GRID1: variants seen among roughly 807,000 people sequenced by gnomAD.
GRID1 encodes glutamate receptor ionotropic, delta-1.
A neutral mutation model predicts 98.0 loss-of-function variants in GRID1; 28 were observed. The ratio of observed to expected loss-of-function variants is 0.29; its 90% CI spans 0.21 to 0.39. The LOEUF (loss-of-function observed/expected upper bound fraction) is 0.39, where lower values mean the gene tolerates loss of function less well. GRID1 is among the 10% of genes least tolerant of loss of function. GRID1 has a pLI of 1.00. For synonymous variants in GRID1, 553 were observed against 538.5 expected, an observed-to-expected ratio of 1.03 and a Z score of -0.37; for missense variants, 1,111 against 1,340.5, an observed-to-expected ratio of 0.83 and a Z score of 2.67.
intron 4 of GRID1, among the ~76,000 whole-genome samples, chr10:86,124,122 G>T (rs1844717338): frequency 6.6e-6 from 1 of 152,204 alleles, no homozygotes; most frequent in Admixed American, 6.5e-5. Flanking sequence ...TAGGATTTCT[G>T]TGTCCCTGAG....
chr10:86,316,542 T>C (rs1847901486), intron 2 of GRID1, among the ~76,000 whole-genome samples: 1 of 152,200 alleles, frequency 6.6e-6, no homozygotes, highest in South Asian at 2.1e-4. Context: ...TGCCCCAGCC[T>C]AGGTGGAACA....
intron 8 of GRID1, among the ~76,000 whole-genome samples, chr10:85,826,359 C>G (rs1469167616): frequency 1.3e-5 from 2 of 151,874 alleles, no homozygotes; most frequent in Non-Finnish European, 2.9e-5. Flanking sequence ...AAAACAAAAC[C>G]CAAGCAAAAG....
chr10:86,087,430 T>C (rs1168639214), intron 4 of GRID1, among the ~76,000 whole-genome samples: 1 of 150,924 alleles, frequency 6.6e-6, no homozygotes, highest in Non-Finnish European at 1.5e-5. Flanking sequence ...TATGTGTGTG[T>C]ACAGACCTGT....
At chr10:85,813,883 T>A (rs1842694531) in intron 8 of GRID1, among the ~76,000 whole-genome samples, 1 of 151,954 alleles carries the variant, frequency 6.6e-6, no homozygotes. Context: ...GGGACCTCCA[T>A]GCTAGAAATT....
intron 4 of GRID1, among the ~76,000 whole-genome samples, chr10:86,105,595 C>T (rs942880351): frequency 1.3e-5 from 2 of 152,170 alleles, no homozygotes; most frequent in Non-Finnish European, 2.9e-5. Context: ...GCTGCCCCTC[C>T]CCAGCAGTGT....
At chr10:86,113,646 C>G (rs61856058) in intron 4 of GRID1, among the ~76,000 whole-genome samples, 4,163 of 152,290 alleles carry the variant, frequency 0.027, 64 homozygotes, top group Middle Eastern at 0.051. Flanking sequence ...CTGGTTTACC[C>G]CCTGCCAGAC....
chr10:85,724,267 G>T, intron 11 of GRID1, 85 bp downstream of exon 11: 1 of 1,045,846 alleles, frequency 9.6e-7, no homozygotes, highest in Non-Finnish European at 1.4e-6. Flanking sequence ...AATGACTTTG[G>T]TAAAATGCAC....
chr10:86,051,470 A>G (rs1043442610), intron 4 of GRID1, among the ~76,000 whole-genome samples: 2 of 152,050 alleles, frequency 1.3e-5, no homozygotes, highest in African/African-American at 4.8e-5. Context: ...AAAGGAACCA[A>G]TGATTTTACC....
chr10:86,138,703 G>A, intron 4 of GRID1, 116 bp downstream of exon 4: 2 of 756,816 alleles, frequency 2.6e-6, no homozygotes, highest in Non-Finnish European at 4.4e-6. Flanking sequence ...GCACCTACGG[G>A]TCTCCATGTC....
chr10:86,012,001 T>C (rs1842928147), intron 4 of GRID1, among the ~76,000 whole-genome samples: 1 of 151,946 alleles, frequency 6.6e-6, no homozygotes. Flanking sequence ...CTACTAAAAA[T>C]ACAAAAATTA....
chr10:85,685,141 G>A (rs1361333674), intron 12 of GRID1, among the ~76,000 whole-genome samples: 1 of 152,172 alleles, frequency 6.6e-6, no homozygotes, highest in Non-Finnish European at 1.5e-5. Flanking sequence ...ACAAGATCAT[G>A]ATTTTCGCAA....
intron 8 of GRID1, among the ~76,000 whole-genome samples, chr10:85,752,966 G>A (rs1323064252): frequency 1.3e-5 from 2 of 152,102 alleles, no homozygotes; most frequent in Admixed American, 1.3e-4. Flanking sequence ...GGGCATTCTG[G>A]CAAACCATCT....
At chr10:86,245,213 CA>C (rs1388658376) in intron 2 of GRID1, among the ~76,000 whole-genome samples, 2 of 152,314 alleles carry the variant, frequency 1.3e-5, no homozygotes, top group Non-Finnish European at 1.5e-5. Context: ...TGGATTAAGC[CA>C]GGGGAGGGAA....
At chr10:85,923,985 G>T (rs1841742025) in intron 4 of GRID1, among the ~76,000 whole-genome samples, 1 of 152,078 alleles carries the variant, frequency 6.6e-6, no homozygotes, top group African/African-American at 2.4e-5. Context: ...TGCATATGGG[G>T]AGTAGCCTCT....
intron 4 of GRID1, among the ~76,000 whole-genome samples, chr10:85,936,215 G>C (rs1347407460): frequency 2.0e-5 from 3 of 152,236 alleles, no homozygotes; most frequent in African/African-American, 7.2e-5. Context: ...TAGCTAGAAA[G>C]ACAGCCTAAG....
intron 12 of GRID1, among the ~76,000 whole-genome samples, chr10:85,693,402 A>G (rs969642821): frequency 4.6e-5 from 7 of 152,200 alleles, no homozygotes; most frequent in Non-Finnish European, 7.4e-5. Context: ...GTCATTATAT[A>G]TTTATCAAAA....
intron 12 of GRID1, among the ~76,000 whole-genome samples, chr10:85,722,208 C>G (rs1160320037): frequency 2.6e-5 from 4 of 152,052 alleles, no homozygotes; most frequent in African/African-American, 4.8e-5. Context: ...AATATGATGA[C>G]AGTGAGTGTG....
chr10:86,012,899 T>C (rs937061346), intron 4 of GRID1, among the ~76,000 whole-genome samples: 3 of 152,212 alleles, frequency 2.0e-5, no homozygotes, highest in Non-Finnish European at 4.4e-5. Context: ...TATTTTGTTA[T>C]AGCAGCCTGA....
chr10:85,733,949 T>C (rs1841852295), intron 8 of GRID1, among the ~76,000 whole-genome samples: 2 of 152,140 alleles, frequency 1.3e-5, no homozygotes, highest in South Asian at 4.1e-4. Flanking sequence ...TTTTCACTAA[T>C]AGGAAGTAAA....
Sources: allele counts gnomAD v4.1 joint callset (sites outside exome capture counted in the v4.1 genomes callset), GRCh38; gene constraint gnomAD v4.1.1; transcripts MANE v1.5; gene names NCBI Gene and HGNC (gene_info 2026-07-23, HGNC 2026-07-21).